KIF16B: variants seen among roughly 807,000 people sequenced by gnomAD.
KIF16B encodes kinesin family member 16B.
Under a neutral mutation model 156.3 loss-of-function variants are expected in KIF16B, and 98 were observed. That is an observed-to-expected ratio of 0.63 (90% CI 0.53 to 0.74). The LOEUF is 0.74. Ranked by LOEUF, KIF16B falls within the 30% of genes least tolerant of loss-of-function variation. KIF16B has a pLI of 0.00. For synonymous variants in KIF16B, 564 were observed against 583.7 expected (o/e 0.97, Z 0.49); for missense variants, 1,421 against 1,606.5 (o/e 0.88, Z 1.97).
chr20:16,348,201 C>T (rs1030985978), intron 23 of KIF16B, among the ~76,000 whole-genome samples: 4 of 152,154 alleles, frequency 2.6e-5, no homozygotes, highest in South Asian at 4.1e-4. Context: ...GATTTGAAAA[C>T]GACCATTATC....
intron 1 of KIF16B, among the ~76,000 whole-genome samples, chr20:16,564,695 T>A (rs924559945): frequency 5.9e-5 from 9 of 151,632 alleles, no homozygotes; most frequent in African/African-American, 2.2e-4. Context: ...AAAAAAAGAT[T>A]ACAGGAGTCA....
At chr20:16,308,700 C>T (rs568290976) in intron 25 of KIF16B, among the ~76,000 whole-genome samples, 2 of 152,216 alleles carry the variant, frequency 1.3e-5, no homozygotes, top group Non-Finnish European at 2.9e-5. Flanking sequence ...CCTTAATAAA[C>T]AGCAAGCAAA....
At chr20:16,366,892 A>C (rs1027360761) in intron 22 of KIF16B, 1 of 1,197,134 alleles carries the variant, frequency 8.4e-7, no homozygotes, top group African/African-American at 1.6e-5. Flanking sequence ...GCAGGCACAA[A>C]TTTACAAGCC....
rs68088277 is a variant in KIF16B, at chr20:16,281,357, G to C, written c.3796-7946C>G. Among the ~76,000 whole-genome samples, 232 of 152,088 alleles carry C rather than the reference G, an allele frequency of 1.5e-3. 2 individuals are homozygous for C. Among genetic ancestry groups the C allele is most frequent in the African/African-American group, 5.2e-3 (214 of 41,466 alleles). On this transcript the variant is annotated intron_variant, in intron 25 of 25. Transcript: ENST00000354981. ...AAGACTTAGAGGTCTCATTTAACTC[G>C]CAGTACTTGGAAAATGCATCATCCA... is the stretch of plus-strand genomic sequence containing the variant.
chr20:16,487,205 T>A (rs2068144232), intron 12 of KIF16B, among the ~76,000 whole-genome samples: 1 of 151,556 alleles, frequency 6.6e-6, no homozygotes, highest in Admixed American at 6.6e-5. Context: ...TGAGCCAAGA[T>A]CGCGCCACTG....
At chr20:16,522,652 G>T (rs528063287) in intron 3 of KIF16B, among the ~76,000 whole-genome samples, 1 of 152,280 alleles carries the variant, frequency 6.6e-6, no homozygotes, top group South Asian at 2.1e-4. Flanking sequence ...CTTGAACTCA[G>T]CTCTGGACCA....
At chr20:16,290,910 T>C (rs990313160) in intron 25 of KIF16B, among the ~76,000 whole-genome samples, 1 of 152,268 alleles carries the variant, frequency 6.6e-6, no homozygotes, top group South Asian at 2.1e-4. Flanking sequence ...GTCTATTTCA[T>C]ACAGGGAAAT....
chr20:16,507,421 A>G (rs573674047), intron 7 of KIF16B, among the ~76,000 whole-genome samples: 1 of 152,328 alleles, frequency 6.6e-6, no homozygotes, highest in South Asian at 2.1e-4. Context: ...TACTGGCCTC[A>G]GTGTTCAAAT....
At chr20:16,545,411 T>C (rs938222079) in intron 1 of KIF16B, among the ~76,000 whole-genome samples, 3 of 150,484 alleles carry the variant, frequency 2.0e-5, no homozygotes, top group African/African-American at 7.3e-5. Context: ...CCGCCTGTAA[T>C]CCCAGCACTT....
chr20:16,464,183 T>C (rs2067424281), intron 12 of KIF16B, among the ~76,000 whole-genome samples: 1 of 152,200 alleles, frequency 6.6e-6, no homozygotes, highest in Non-Finnish European at 1.5e-5. Flanking sequence ...TAACCCACAC[T>C]GGAGGCATTT....
chr20:16,297,603 G>A (rs1283939373), intron 25 of KIF16B, among the ~76,000 whole-genome samples: 2 of 151,698 alleles, frequency 1.3e-5, no homozygotes, highest in Non-Finnish European at 1.5e-5. Flanking sequence ...GGCTGAGGCA[G>A]GAGAATGGCG....
chr20:16,275,254 C>G (rs2063043328), intron 25 of KIF16B, among the ~76,000 whole-genome samples: 1 of 152,216 alleles, frequency 6.6e-6, no homozygotes. Context: ...CGGGGTTTCA[C>G]CATGTTGGCC....
chr20:16,285,562 A>T (rs2063210842), intron 25 of KIF16B, among the ~76,000 whole-genome samples: 1 of 152,194 alleles, frequency 6.6e-6, no homozygotes, highest in South Asian at 2.1e-4. Context: ...CACATCTCTA[A>T]TCCCAGCACT....
At chr20:16,357,915 C>T (rs750704667) in intron 22 of KIF16B, among the ~76,000 whole-genome samples, 20 of 152,248 alleles carry the variant, frequency 1.3e-4, no homozygotes, top group Middle Eastern at 3.4e-3. Flanking sequence ...AGAGGCTGGG[C>T]ACAGTGGCTC....
At chr20:16,443,630 TG>T (rs2066860545) in intron 12 of KIF16B, among the ~76,000 whole-genome samples, 2 of 152,208 alleles carry the variant, frequency 1.3e-5, no homozygotes, top group South Asian at 4.1e-4. Flanking sequence ...CAAGTATTCC[TG>T]TAATTGATAC....
chr20:16,496,475 C>T (rs1160690334), intron 11 of KIF16B, among the ~76,000 whole-genome samples: 1 of 152,196 alleles, frequency 6.6e-6, no homozygotes, highest in Non-Finnish European at 1.5e-5. Context: ...GCTACTACTT[C>T]TAACAGTGGG....
intron 25 of KIF16B, 66 bp from the exon 26 acceptor site, chr20:16,273,477 G>T: frequency 7.1e-7 from 1 of 1,407,872 alleles, no homozygotes; most frequent in Non-Finnish European, 1.0e-6. Flanking sequence ...GATCGCTTGA[G>T]CTCAGGAGTT....
chr20:16,347,796 C>T (rs1357312595), intron 23 of KIF16B, among the ~76,000 whole-genome samples: 1 of 152,178 alleles, frequency 6.6e-6, no homozygotes, highest in Non-Finnish European at 1.5e-5. Flanking sequence ...AATACACGTG[C>T]AGGGAGATAA....
intron 17 of KIF16B, among the ~76,000 whole-genome samples, chr20:16,392,864 C>A (rs1008272225): frequency 3.3e-5 from 5 of 152,004 alleles, no homozygotes; most frequent in Admixed American, 6.5e-5. Flanking sequence ...GAATTCTGGG[C>A]GTGGATTTAG....
Sources: allele counts gnomAD v4.1 joint callset (sites outside exome capture counted in the v4.1 genomes callset), GRCh38; gene constraint gnomAD v4.1.1; transcripts MANE v1.5; gene names NCBI Gene and HGNC (gene_info 2026-07-23, HGNC 2026-07-21).